FBLN5: variants seen among roughly 807,000 people sequenced by gnomAD.
FBLN5 encodes fibulin 5.
FBLN5 carries 24 observed loss-of-function variants against 61.6 expected under a neutral mutation model. The observed-to-expected ratio is 0.39, with a 90% CI of 0.28 to 0.55. The LOEUF (loss-of-function observed/expected upper bound fraction) is 0.55, where lower values mean the gene tolerates loss of function less well. Ranked by LOEUF, FBLN5 falls within the 20% of genes least tolerant of loss-of-function variation. The probability of loss-of-function intolerance (pLI) is 0.65; values close to 1 mark genes in which losing one functional copy is unlikely to be tolerated. For synonymous variants in FBLN5, 213 were observed against 219.8 expected, an observed-to-expected ratio of 0.97 and a Z score of 0.27; for missense variants, 470 against 594.1, an observed-to-expected ratio of 0.79 and a Z score of 2.17.
chr14:91,928,027 C>T (rs932090625), intron 4 of FBLN5, among the ~76,000 whole-genome samples: 1 of 152,228 alleles, frequency 6.6e-6, no homozygotes, highest in African/African-American at 2.4e-5. Flanking sequence ...CCACCCAGAA[C>T]ATGAGGCCAG....
rs1393115352 is a variant in FBLN5, at chr14:91,887,106, G to A, written c.739+87C>T. The A allele has an allele frequency of 3.5e-6, 5 of 1,448,572 alleles. No homozygotes were observed. The African/African-American group carries it at 7.0e-5, about 20-fold the overall frequency. The allele number at this position is 1,448,572 out of a possible 1,614,324, so 89.7% of individuals were successfully genotyped here. ...TGGACATGTGTCCAGGAAATGAGAGGAAACACCTATGAAGGAAGCCCTTGC... is the reference window on the plus strand; with the variant it reads ...TGGACATGTGTCCAGGAAATGAGAGAAAACACCTATGAAGGAAGCCCTTGC... On this transcript the variant is annotated intron_variant, in intron 7 of 10. Coordinates refer to ENST00000342058, the MANE Select transcript of FBLN5 (RefSeq NM_006329.4).
Position 91,882,678 on chromosome 14 carries a change from C to A in FBLN5, c.862+276G>T, listed in dbSNP as rs75285543. On this transcript the variant is annotated intron_variant, in intron 8 of 10. Transcript: ENST00000342058. This position sits in a 1 kb window ranked among gnomAD's most constrained non-coding sequence, Gnocchi z 4.9. The stretch of plus-strand genomic sequence containing the variant: ...ATCTGCCTGGGGAGGCAGAAAGCCA[C>A]GCTTAGAGGCTGCCGTCTGCATCTG... 4.9e-3 allele frequency among the ~76,000 whole-genome samples: 748 copies of A among 152,354 alleles called. 7 individuals carry two copies. Among genetic ancestry groups the A allele is most frequent in the African/African-American group, 0.017 (711 of 41,584 alleles).
At chr14:91,921,052 G>A (rs1055850503) in intron 4 of FBLN5, among the ~76,000 whole-genome samples, 4 of 152,306 alleles carry the variant, frequency 2.6e-5, no homozygotes, top group South Asian at 2.1e-4. Flanking sequence ...AGCCAGTCAC[G>A]ACATTTTAAT....
chr14:91,877,292 CAGG>C (rs771064986), intron 10 of FBLN5, among the ~76,000 whole-genome samples, 192 bp downstream of exon 10: 4 of 152,104 alleles, frequency 2.6e-5, no homozygotes, highest in Admixed American at 6.6e-5. Flanking sequence ...TCCTGAGGCT[CAGG>C]AGGAGAAGCA....
chr14:91,870,128 T>G lies in FBLN5; in HGVS notation c.*96A>C, dbSNP rs1595286571. On this transcript the variant is annotated 3_prime_UTR_variant, in exon 11 of 11. Coordinates refer to ENST00000342058, the MANE Select transcript of FBLN5 (RefSeq NM_006329.4). ...GGGGAAACGTTCAGCAGGAAATGCC[T>G]AACGTCTGTGTCGCTCTCATTCTCT... The G allele has an allele frequency of 3.1e-6, 4 of 1,290,836 alleles. No homozygotes were observed. Among genetic ancestry groups the G allele is most frequent in the Middle Eastern group, 3.7e-4 (2 of 5,476 alleles). 80.0% of individuals were successfully genotyped at this position (1,290,836 alleles called of 1,614,324 possible).
At chr14:91,924,565 C>G (rs2055794202) in intron 4 of FBLN5, among the ~76,000 whole-genome samples, 1 of 151,958 alleles carries the variant, frequency 6.6e-6, no homozygotes, top group Non-Finnish European at 1.5e-5. Flanking sequence ...ACCTGTAGTC[C>G]CAGCTACTCG....
At chr14:91,873,376 G>T (rs912617512) in intron 10 of FBLN5, 1 of 152,304 alleles carries the variant, frequency 6.6e-6, no homozygotes, top group Non-Finnish European at 1.5e-5. Flanking sequence ...CTCTAAGTAG[G>T]TTAGGGATAC....
chr14:91,877,679 G>C lies in FBLN5; in HGVS notation c.993C>G (p.Arg331=). 1 of 1,613,730 alleles carries C rather than the reference G, an allele frequency of 6.2e-7. No homozygotes were observed. ...EEPYLRISDN[R]CMCPAENPGC... ...CAGGGTTCTCAGCAGGACACATACA[G>C]CGGCTGTGGAAAGGGAAATCACGTG... is the stretch of plus-strand genomic sequence containing the variant. Residue 331 remains arginine, a synonymous_variant, in exon 10 of 11, where the codon CGC becomes CGG. Transcript: ENST00000342058.
chr14:91,910,632 C>G (rs1239746139), intron 4 of FBLN5, among the ~76,000 whole-genome samples: 1 of 152,148 alleles, frequency 6.6e-6, no homozygotes, highest in Non-Finnish European at 1.5e-5. Flanking sequence ...GATCTGTGAT[C>G]AAAAACAAAA....
In FBLN5 at chr14:91,942,838, G is replaced by A. The variant is rs184502226; in HGVS notation, c.72+69C>T. On this transcript the variant is annotated intron_variant, in intron 2 of 10. Transcript: ENST00000342058. The stretch of plus-strand genomic sequence containing the variant: ...CCCCACAAACCTAGGGTTCCGTAGC[G>A]CAAGGCTGGACTCCCTCACCCCGGA... The A allele has an allele frequency of 1.2e-4, 121 of 999,834 alleles. No homozygotes were observed. In the African/African-American group the frequency reaches 1.4e-3, roughly 12 times the overall value. The allele number at this position is 999,834 out of a possible 1,614,324, so 61.9% of individuals were successfully genotyped here.
intron 7 of FBLN5, among the ~76,000 whole-genome samples, chr14:91,885,209 C>T (rs943788955): frequency 3.9e-5 from 6 of 152,208 alleles, no homozygotes; most frequent in African/African-American, 7.2e-5. Flanking sequence ...CCCGGGGTCA[C>T]ACCAAGTCTT....
chr14:91,907,165 G>T (rs1279742239), intron 4 of FBLN5, among the ~76,000 whole-genome samples: 3 of 152,180 alleles, frequency 2.0e-5, no homozygotes, highest in African/African-American at 7.2e-5. Context: ...TGGCCAGTGA[G>T]ATATAAGTAA....
At chr14:91,879,626 C>T (rs1043121005) in intron 9 of FBLN5, among the ~76,000 whole-genome samples, 1 of 152,228 alleles carries the variant, frequency 6.6e-6, no homozygotes, top group Admixed American at 6.5e-5. Flanking sequence ...GAAGAGCAGC[C>T]TGGAGCTCTG....
At chr14:91,917,814 A>T (rs1891260061) in intron 4 of FBLN5, among the ~76,000 whole-genome samples, 1 of 152,156 alleles carries the variant, frequency 6.6e-6, no homozygotes, top group Non-Finnish European at 1.5e-5. Context: ...AAGTGAATGT[A>T]TTTCACTTTA....
At chr14:91,919,190 G>T (rs2055681483) in intron 4 of FBLN5, among the ~76,000 whole-genome samples, 1 of 151,814 alleles carries the variant, frequency 6.6e-6, no homozygotes, top group Non-Finnish European at 1.5e-5. Context: ...AATTAGCTGG[G>T]CATGGTGGCA....
At chr14:91,890,528 A>AG (rs1418164055) in intron 6 of FBLN5, among the ~76,000 whole-genome samples, 19 of 152,264 alleles carry the variant, frequency 1.2e-4, no homozygotes, top group Admixed American at 1.2e-3. Context: ...TTGGGTCTTA[A>AG]GTCCCCCATT....
chr14:91,926,276 C>T (rs1048425831), intron 4 of FBLN5, among the ~76,000 whole-genome samples: 1 of 152,194 alleles, frequency 6.6e-6, no homozygotes. Flanking sequence ...TCTGTGCCTC[C>T]ATGCTCAAGG....
intron 4 of FBLN5, 125 bp from the exon 5 acceptor site, chr14:91,895,197 G>T: frequency 8.6e-7 from 1 of 1,169,502 alleles, no homozygotes; most frequent in Admixed American, 1.8e-5. Flanking sequence ...TACACCCAAG[G>T]AGGTGGCAGT....
intron 4 of FBLN5, among the ~76,000 whole-genome samples, chr14:91,895,893 A>G (rs1890205755): frequency 6.6e-6 from 1 of 151,496 alleles, no homozygotes; most frequent in Non-Finnish European, 1.5e-5. Context: ...TTCGGTCTGA[A>G]GCTCTCCAGT....
Sources: allele counts gnomAD v4.1 joint callset (sites outside exome capture counted in the v4.1 genomes callset), GRCh38; gene constraint gnomAD v4.1.1; non-coding constraint Gnocchi (gnomAD v3.1); transcripts MANE v1.5; gene names NCBI Gene and HGNC (gene_info 2026-07-23, HGNC 2026-07-21).